The following FHL2 variants were observed in gnomAD, a reference collection of about 807,000 sequenced individuals.
FHL2 encodes the protein four and a half LIM domains 2.
Under a neutral mutation model 32.7 loss-of-function variants are expected in FHL2, and 20 were observed. The ratio of observed to expected loss-of-function variants is 0.61; its 90% CI spans 0.43 to 0.89. FHL2 has a LOEUF of 0.89. Ranked by LOEUF, FHL2 falls within the 40% of genes least tolerant of loss-of-function variation. FHL2 has a pLI of 0.00. For synonymous variants in FHL2, 123 were observed against 128.1 expected, an observed-to-expected ratio of 0.96 and a Z score of 0.27; for missense variants, 311 against 358.6, an observed-to-expected ratio of 0.87 and a Z score of 1.07.
In FHL2 at chr2:105,377,932, G is replaced by T. The variant is rs370169364; in HGVS notation, c.157-4199C>A. The T allele has an allele frequency of 4.7e-5, 19 of 408,104 alleles. No homozygotes were observed. The East Asian group carries it at 5.0e-4, about 11-fold the overall frequency. 25.3% of individuals were successfully genotyped at this position (408,104 alleles called of 1,614,324 possible). ...GGCATTACGCCCAGAGGGGTGGCAA[G>T]TTATCAGTGACAAGAGAGGGAAGAG... On this transcript the variant is annotated intron_variant, in intron 3 of 6. Transcript: ENST00000530340.
At chr2:105,367,352 G>T (rs1045106241) in intron 5 of FHL2, among the ~76,000 whole-genome samples, 1 of 152,172 alleles carries the variant, frequency 6.6e-6, no homozygotes, top group African/African-American at 2.4e-5. Flanking sequence ...AGGGTTAAAC[G>T]ATTTGATCAC....
intron 3 of FHL2, among the ~76,000 whole-genome samples, chr2:105,385,013 T>C (rs1388354372): frequency 6.6e-6 from 1 of 152,222 alleles, no homozygotes; most frequent in Non-Finnish European, 1.5e-5. Context: ...CAAGACAGGA[T>C]ACAGGAAGAT....
chr2:105,368,317 A>G (rs1046366940), intron 4 of FHL2, among the ~76,000 whole-genome samples: 3 of 152,146 alleles, frequency 2.0e-5, no homozygotes, highest in Non-Finnish European at 1.5e-5. Context: ...AAGTGCTATA[A>G]TTAAAACCTA....
At chr2:105,400,881 G>T (rs1683441743), upstream of FHL2, among the ~76,000 whole-genome samples, 2 of 151,582 alleles carry the variant, frequency 1.3e-5, no homozygotes, top group Non-Finnish European at 1.5e-5. Context: ...TGACCTAATG[G>T]GTAGCAGAAC....
chr2:105,422,522 T>G (rs1301160294), intron 1 of FHL2, among the ~76,000 whole-genome samples: 1 of 152,040 alleles, frequency 6.6e-6, no homozygotes, highest in Non-Finnish European at 1.5e-5. Context: ...GGATTATAGC[T>G]CTAGATAAGA....
intron 3 of FHL2, chr2:105,377,829 G>GT: frequency 2.9e-6 from 1 of 344,000 alleles, no homozygotes; most frequent in South Asian, 2.3e-5. Flanking sequence ...TAGGCGCCAG[G>GT]GAGAGGGGAG....
intron 1 of FHL2, among the ~76,000 whole-genome samples, chr2:105,405,171 C>G (rs1278756797): frequency 2.0e-5 from 3 of 152,170 alleles, no homozygotes; most frequent in African/African-American, 7.2e-5. Flanking sequence ...TGATTTCAGT[C>G]CTTTTCAGGA....
At chr2:105,392,388 C>A (rs187757983) in intron 2 of FHL2, among the ~76,000 whole-genome samples, 51 of 152,228 alleles carry the variant, frequency 3.4e-4, no homozygotes, top group African/African-American at 1.1e-3. Flanking sequence ...GTGGGAGGAT[C>A]TTGAGCCCAG....
At chr2:105,405,106 A>G (rs1479060214) in intron 1 of FHL2, among the ~76,000 whole-genome samples, 2 of 152,192 alleles carry the variant, frequency 1.3e-5, no homozygotes, top group African/African-American at 2.4e-5. Flanking sequence ...GATGAAAAGT[A>G]TTTGTAAGGT....
intron 1 of FHL2, among the ~76,000 whole-genome samples, chr2:105,436,734 C>T (rs867689983): frequency 1.3e-5 from 2 of 151,990 alleles, no homozygotes; most frequent in South Asian, 4.2e-4. Flanking sequence ...TTAAGATAAA[C>T]AATTAACTGC....
At chr2:105,432,162 G>A (rs965375506) in intron 1 of FHL2, among the ~76,000 whole-genome samples, 2 of 152,208 alleles carry the variant, frequency 1.3e-5, no homozygotes, top group Admixed American at 6.5e-5. Flanking sequence ...AATTGTGGGT[G>A]TGCTTATTTC....
upstream of FHL2, among the ~76,000 whole-genome samples, chr2:105,399,923 C>T (rs1683402071): frequency 6.6e-6 from 1 of 152,202 alleles, no homozygotes; most frequent in Non-Finnish European, 1.5e-5. Context: ...TTATTTTTAA[C>T]ATTCGGGGCA....
intron 4 of FHL2, among the ~76,000 whole-genome samples, chr2:105,368,230 G>C (rs1680777527): frequency 6.6e-6 from 1 of 152,212 alleles, no homozygotes; most frequent in African/African-American, 2.4e-5. Flanking sequence ...TCAGTGAGCA[G>C]CCTCTACAAC....
At chr2:105,403,166 C>T (rs1181534087), upstream of FHL2, among the ~76,000 whole-genome samples, 1 of 152,160 alleles carries the variant, frequency 6.6e-6, no homozygotes, top group African/African-American at 2.4e-5. Context: ...TTGTAAAGTC[C>T]TCTGTTTTAT....
chr2:105,397,420 G>A (rs762071556), intron 1 of FHL2, among the ~76,000 whole-genome samples: 3 of 152,086 alleles, frequency 2.0e-5, no homozygotes, highest in Non-Finnish European at 4.4e-5. Context: ...TTTCCCAGTG[G>A]AGAAAACCGA....
chr2:105,386,583 C>A, intron 2 of FHL2, 43 bp from the exon 3 acceptor site: 1 of 1,579,656 alleles, frequency 6.3e-7, no homozygotes, highest in South Asian at 1.1e-5. Flanking sequence ...TAAGCACTCT[C>A]TGAAAGGGGT....
chr2:105,402,008 T>C (rs1014969561), upstream of FHL2, among the ~76,000 whole-genome samples: 5 of 150,792 alleles, frequency 3.3e-5, no homozygotes, highest in Non-Finnish European at 7.4e-5. Context: ...CACGAATATA[T>C]ACATATATAC....
rs945300134 is a variant in FHL2 at position 105,367,871 on chromosome 2, G to A, written c.332-132C>T. The A allele has an allele frequency of 4.4e-5, 36 of 816,996 alleles. 1 individual carries two copies. Among genetic ancestry groups the A allele is most frequent in the Admixed American group, 6.0e-5 (2 of 33,376 alleles). The allele number at this position is 816,996 out of a possible 1,614,324, so 50.6% of individuals were successfully genotyped here. A position where few individuals can be genotyped will look rare whatever the true frequency, so the allele number is the denominator to read the frequency against. On this transcript the variant is annotated intron_variant, in intron 4 of 6. Transcript: ENST00000530340. Reference sequence around the variant, plus strand: ...AAGCCACTTCAGCTCTTGAAGGCTCGCCTCTACATGGAGGTAATTCCTATT... The same window carrying A: ...AAGCCACTTCAGCTCTTGAAGGCTCACCTCTACATGGAGGTAATTCCTATT...
chr2:105,361,469 AAGTT>A, intron 6 of FHL2, 35 bp from the exon 7 acceptor site: 1 of 1,596,866 alleles, frequency 6.3e-7, no homozygotes, highest in Admixed American at 1.7e-5. Flanking sequence ...CGGATGAAGA[AAGTT>A]AGAATCAGGC....
Sources: gnomAD v4.1 joint callset for allele counts (sites outside exome capture counted in the v4.1 genomes callset) on GRCh38, gnomAD v4.1.1 for gene constraint, MANE v1.5 for transcripts, NCBI Gene and HGNC (gene_info 2026-07-23, HGNC 2026-07-21) for gene names.